Variants in TCF12 observed in about 807,000 individuals in gnomAD.
TCF12 encodes the protein DNA-binding protein HTF4.
TCF12 carries 45 observed loss-of-function variants against 86.0 expected under a neutral mutation model. That is an observed-to-expected ratio of 0.52 (90% CI 0.41 to 0.67). The LOEUF is 0.67. TCF12 is among the 30% of genes least tolerant of loss of function. The pLI, the probability that TCF12 is intolerant of heterozygous loss-of-function variation, is 0.00. For missense variants in TCF12, 881 were observed against 859.9 expected, an observed-to-expected ratio of 1.02 and a Z score of -0.31; for synonymous variants, 330 against 299.6, an observed-to-expected ratio of 1.10 and a Z score of -1.05.
chr15:57,290,432 C>T (rs1292752031), downstream of TCF12, among the ~76,000 whole-genome samples: 8 of 151,282 alleles, frequency 5.3e-5, no homozygotes, highest in Non-Finnish European at 1.2e-4. Context: ...GTTCTTAAGA[C>T]AGATGCCAAG....
intron 4 of TCF12, among the ~76,000 whole-genome samples, chr15:57,089,994 C>G (rs2585100): frequency 0.012 from 1,902 of 152,170 alleles, 42 homozygotes; most frequent in African/African-American, 0.044. Flanking sequence ...GCTGGAGGGT[C>G]TCTTGAGCCC....
chr15:57,025,261 G>T (rs773790963), intron 3 of TCF12, among the ~76,000 whole-genome samples: 24 of 152,112 alleles, frequency 1.6e-4, no homozygotes, highest in Non-Finnish European at 2.9e-4. Flanking sequence ...TGTATTTTCA[G>T]TAGAGAGGAG....
At chr15:57,097,089 G>A (rs2049377874) in intron 5 of TCF12, among the ~76,000 whole-genome samples, 1 of 151,918 alleles carries the variant, frequency 6.6e-6, no homozygotes, top group African/African-American at 2.4e-5. Flanking sequence ...TGTATATTTG[G>A]TACCTCAAAT....
intron 4 of TCF12, among the ~76,000 whole-genome samples, chr15:57,082,145 A>ATGGTCAACTGCCCTGACTAGTAAC (rs1448858757): frequency 6.6e-6 from 1 of 152,244 alleles, no homozygotes; most frequent in African/African-American, 2.4e-5. Context: ...TAAGTGGCTC[A>ATGGTCAACTGCCCTGACTAGTAAC]TGGTCAACTG....
At chr15:56,936,270 G>T (rs1364208205) in intron 3 of TCF12, among the ~76,000 whole-genome samples, 1 of 152,056 alleles carries the variant, frequency 6.6e-6, no homozygotes, top group Non-Finnish European at 1.5e-5. Context: ...TTGGCCATTT[G>T]TATATCTTCT....
chr15:57,080,224 C>T (rs1265224615), intron 4 of TCF12, among the ~76,000 whole-genome samples: 1 of 152,208 alleles, frequency 6.6e-6, no homozygotes, highest in Non-Finnish European at 1.5e-5. Flanking sequence ...AATGTACTCA[C>T]AGTTACACCT....
chr15:57,239,177 C>A (rs1414930295), intron 12 of TCF12, among the ~76,000 whole-genome samples: 1 of 137,670 alleles, frequency 7.3e-6, no homozygotes, highest in African/African-American at 3.4e-5. Flanking sequence ...CACGGAGAAA[C>A]CCCGTCTCTA....
At chr15:57,264,139 CACAA>C (rs1390172124) in intron 18 of TCF12, among the ~76,000 whole-genome samples, 1 of 144,622 alleles carries the variant, frequency 6.9e-6, no homozygotes, top group Non-Finnish European at 1.5e-5. Context: ...TAGCTTAAAA[CACAA>C]ACACATTATA....
chr15:56,941,977 CAT>C (rs1223844237), intron 3 of TCF12, among the ~76,000 whole-genome samples: 2 of 152,184 alleles, frequency 1.3e-5, no homozygotes, highest in Non-Finnish European at 2.9e-5. Flanking sequence ...TCTCAATCCT[CAT>C]ATGGTTTACC....
intron 4 of TCF12, among the ~76,000 whole-genome samples, chr15:57,064,994 A>T (rs1295604813): frequency 6.6e-6 from 1 of 152,160 alleles, no homozygotes; most frequent in Non-Finnish European, 1.5e-5. Flanking sequence ...TAGTCTCAGT[A>T]TGGTTTACAC....
At chr15:56,967,574 C>G (rs914394463) in intron 3 of TCF12, among the ~76,000 whole-genome samples, 1 of 152,216 alleles carries the variant, frequency 6.6e-6, no homozygotes, top group Non-Finnish European at 1.5e-5. Flanking sequence ...ACCGGATGTA[C>G]TTCTTTCCTT....
intron 8 of TCF12, among the ~76,000 whole-genome samples, chr15:57,202,682 A>G (rs1465641813): frequency 6.7e-6 from 1 of 149,946 alleles, no homozygotes; most frequent in East Asian, 2.0e-4. Flanking sequence ...TGATCCACCT[A>G]CCTCAGCCTC....
At chr15:57,126,397 A>T (rs2151317711) in intron 5 of TCF12, among the ~76,000 whole-genome samples, 1 of 152,222 alleles carries the variant, frequency 6.6e-6, no homozygotes, top group East Asian at 1.9e-4. Context: ...CTTGCATTAT[A>T]AAACCAAAAA....
intron 5 of TCF12, among the ~76,000 whole-genome samples, chr15:57,149,003 C>A (rs2053564119): frequency 6.6e-6 from 1 of 152,092 alleles, no homozygotes; most frequent in Admixed American, 6.6e-5. Context: ...ATATACAAAT[C>A]CCTCGGAGAA....
At chr15:57,282,249 C>A in intron 19 of TCF12, 196 bp from the exon 20 acceptor site, 2 of 624,998 alleles carry the variant, frequency 3.2e-6, no homozygotes, top group Non-Finnish European at 5.4e-6. Context: ...ATGAAGAAAA[C>A]ACAAGATGGT....
At chr15:57,211,761 C>G (rs1052880800) in intron 8 of TCF12, among the ~76,000 whole-genome samples, 12 of 152,202 alleles carry the variant, frequency 7.9e-5, no homozygotes, top group Non-Finnish European at 1.2e-4. Context: ...CAAGACCAGC[C>G]TGGCCAACAT....
intron 8 of TCF12, among the ~76,000 whole-genome samples, chr15:57,216,696 GATTAA>G (rs1454853723): frequency 1.3e-5 from 2 of 151,720 alleles, no homozygotes; most frequent in African/African-American, 2.4e-5. Flanking sequence ...CTGTTGCATA[GATTAA>G]ATTAATTTTT....
intron 5 of TCF12, among the ~76,000 whole-genome samples, chr15:57,153,360 A>C (rs1368311771): frequency 6.6e-6 from 1 of 152,244 alleles, no homozygotes; most frequent in Admixed American, 6.5e-5. Context: ...TATGAACAGT[A>C]CATAAACAAG....
At chr15:57,240,724 A>T (rs2059578698) in intron 12 of TCF12, among the ~76,000 whole-genome samples, 1 of 151,932 alleles carries the variant, frequency 6.6e-6, no homozygotes, top group African/African-American at 2.4e-5. Flanking sequence ...TCTACAAAAA[A>T]TACAAAAATG....
Sources: allele counts gnomAD v4.1 joint callset (sites outside exome capture counted in the v4.1 genomes callset), GRCh38; gene constraint gnomAD v4.1.1; transcripts MANE v1.5; gene names NCBI Gene and HGNC (gene_info 2026-07-23, HGNC 2026-07-21).